Variants in ADAMTSL3 observed in about 807,000 individuals in gnomAD.
The protein encoded by ADAMTSL3 is ADAMTS-like protein 3.
In ADAMTSL3, 128 loss-of-function variants were observed where a neutral mutation model predicts 201.7. That is an observed-to-expected ratio of 0.63 (90% CI 0.55 to 0.73). The LOEUF (loss-of-function observed/expected upper bound fraction) is 0.73. Ranked by LOEUF, ADAMTSL3 falls within the 30% of genes least tolerant of loss-of-function variation. The probability of loss-of-function intolerance (pLI) is 0.00; values close to 1 mark genes in which losing one functional copy is unlikely to be tolerated. For synonymous variants in ADAMTSL3, 738 were observed against 748.4 expected (o/e 0.99, Z 0.23); for missense variants, 1,990 against 2,119.6 (o/e 0.94, Z 1.20).
rs556439992 is a variant in ADAMTSL3, at chr15:83,842,743, A to C, written c.727+4528A>C. 5.1e-4 allele frequency among the ~76,000 whole-genome samples: 77 copies of C among 152,330 alleles called. No homozygotes were observed. In the South Asian group the frequency reaches 6.8e-3, roughly 14 times the overall value. On this transcript the variant is annotated intron_variant, in intron 7 of 29. Coordinates refer to ENST00000286744, the MANE Select transcript of ADAMTSL3 (RefSeq NM_207517.3). ...AGTTTTAGGACTCAGATCAGTGAAC[A>C]CAGTTTGAAGAGAGGCTATACTGAG... is the stretch of plus-strand genomic sequence containing the variant.
intron 3 of ADAMTSL3, among the ~76,000 whole-genome samples, chr15:83,724,884 C>T (rs185069461): frequency 6.6e-6 from 1 of 152,186 alleles, no homozygotes; most frequent in East Asian, 1.9e-4. Flanking sequence ...GACAGAATCT[C>T]TTTCTTTTTT....
intron 22 of ADAMTSL3, among the ~76,000 whole-genome samples, chr15:83,989,530 A>G (rs571357984): frequency 3.3e-5 from 5 of 152,356 alleles, no homozygotes; most frequent in South Asian, 2.1e-4. Context: ...ATAGATTGCA[A>G]TTACCTCCCA....
At chr15:83,763,124 A>G (rs996783129) in intron 3 of ADAMTSL3, among the ~76,000 whole-genome samples, 6 of 152,142 alleles carry the variant, frequency 3.9e-5, no homozygotes, top group Non-Finnish European at 8.8e-5. Flanking sequence ...CTTGAACCTC[A>G]AGTGATTCCC....
intron 16 of ADAMTSL3, among the ~76,000 whole-genome samples, chr15:83,914,976 C>T (rs2066007615): frequency 6.6e-6 from 1 of 152,030 alleles, no homozygotes; most frequent in South Asian, 2.1e-4. Context: ...TTTGGGGAAA[C>T]CCTCTAGAGA....
At chr15:83,725,433 G>C (rs1473556763) in intron 3 of ADAMTSL3, among the ~76,000 whole-genome samples, 1 of 152,126 alleles carries the variant, frequency 6.6e-6, no homozygotes, top group African/African-American at 2.4e-5. Flanking sequence ...TGCTTTGGTT[G>C]CCTGCACTTG....
intron 5 of ADAMTSL3, 142 bp downstream of exon 5, chr15:83,804,837 T>C (rs1305996436): frequency 1.8e-6 from 1 of 550,710 alleles, no homozygotes; most frequent in Non-Finnish European, 3.0e-6. Flanking sequence ...GACAACAGAT[T>C]TTGTATATCA....
At chr15:83,970,765 T>C in intron 20 of ADAMTSL3, 128 bp downstream of exon 20, 2 of 1,219,296 alleles carry the variant, frequency 1.6e-6, no homozygotes, top group Non-Finnish European at 2.3e-6. Flanking sequence ...GTACTCAGTG[T>C]TGTTTTCGGC....
rs114882590 is a variant in ADAMTSL3 at position 83,848,906 on chromosome 15, T to C, written c.728-9860T>C. Among the ~76,000 whole-genome samples, 361 of 152,290 alleles carry C rather than the reference T, an allele frequency of 2.4e-3. 1 individual carries two copies. The highest frequency in any genetic ancestry group is 8.3e-3 in the African/African-American group (344 of 41,572). ...TAAGCCCTTTGCATATATTACCTCA[T>C]TGAACACTCATAACAACCCCTTGGA... is the stretch of plus-strand genomic sequence containing the variant. On this transcript the variant is annotated intron_variant, in intron 7 of 29. Transcript: ENST00000286744.
intron 6 of ADAMTSL3, among the ~76,000 whole-genome samples, chr15:83,836,628 A>G (rs1390940884): frequency 3.9e-5 from 6 of 152,268 alleles, no homozygotes; most frequent in Non-Finnish European, 8.8e-5. Context: ...TGAAAAACAC[A>G]GAGAAATAAT....
chr15:83,818,671 G>A (rs1459353799), intron 5 of ADAMTSL3, among the ~76,000 whole-genome samples: 1 of 152,114 alleles, frequency 6.6e-6, no homozygotes, highest in African/African-American at 2.4e-5. Context: ...TATGAAGTTT[G>A]CATATCAAAA....
At chr15:83,881,225 C>A (rs2065264362) in intron 9 of ADAMTSL3, among the ~76,000 whole-genome samples, 4 of 152,112 alleles carry the variant, frequency 2.6e-5, no homozygotes, top group Admixed American at 2.6e-4. Flanking sequence ...GGCTTTATTC[C>A]CTTTGAAGGT....
chr15:83,841,395 A>T lies in ADAMTSL3; in HGVS notation c.727+3180A>T, dbSNP rs575828123. On this transcript the variant is annotated intron_variant, in intron 7 of 29. Coordinates refer to ENST00000286744, the MANE Select transcript of ADAMTSL3 (RefSeq NM_207517.3). The stretch of plus-strand genomic sequence containing the variant: ...TGGGGTCCGGAGCCGCCAGCCTTCC[A>T]GGGTTAAGTCCTGGGTCTGTTGCTT... 2.6e-5 allele frequency among the ~76,000 whole-genome samples: 4 copies of T among 152,346 alleles called. No individual in the cohort carries two copies. In the South Asian group the frequency reaches 8.3e-4, roughly 32 times the overall value.
chr15:83,706,649 CT>C (rs1035746875), intron 3 of ADAMTSL3, among the ~76,000 whole-genome samples: 1 of 151,044 alleles, frequency 6.6e-6, no homozygotes, highest in Non-Finnish European at 1.5e-5. Flanking sequence ...TTTTTCTTTT[CT>C]TTTTTTTTGA....
At position 83,956,600 on chromosome 15, in the gene ADAMTSL3, C is replaced by T. The variant is rs543870986; in HGVS notation, c.2490+13518C>T. Among the ~76,000 whole-genome samples the T allele has an allele frequency of 4.6e-5, 7 of 152,100 alleles. No homozygotes were observed. In the East Asian group the frequency reaches 1.2e-3, roughly 25 times the overall value. ...GTTTACTCTTATATTATGACCCATCCAAAATATGCCCAGTGGATTCAAATT... is the reference window on the plus strand; with the variant it reads ...GTTTACTCTTATATTATGACCCATCTAAAATATGCCCAGTGGATTCAAATT... On this transcript the variant is annotated intron_variant, in intron 19 of 29. Coordinates refer to ENST00000286744, the MANE Select transcript of ADAMTSL3 (RefSeq NM_207517.3).
At chr15:83,970,350 C>T in intron 19 of ADAMTSL3, 134 bp from the exon 20 acceptor site, 2 of 962,304 alleles carry the variant, frequency 2.1e-6, no homozygotes. Context: ...ATGTTCAAGC[C>T]TAGGAAATGG....
chr15:83,763,756 T>G (rs1027499836), intron 3 of ADAMTSL3, among the ~76,000 whole-genome samples: 1 of 152,138 alleles, frequency 6.6e-6, no homozygotes, highest in African/African-American at 2.4e-5. Flanking sequence ...CCGCCCGCCT[T>G]GGCCTCCCAA....
intron 3 of ADAMTSL3, among the ~76,000 whole-genome samples, chr15:83,756,607 C>T (rs559234576): frequency 6.6e-6 from 1 of 151,664 alleles, no homozygotes. Flanking sequence ...CTGCCCCCCC[C>T]CCAAATCTCA....
rs73439487 is a variant in ADAMTSL3, at chr15:83,875,055, G to T, written c.960+4096G>T. ...CACTGTGTTCATCTGGGTCCTCTAA[G>T]AATCAAATGCCAAGGCAGGATGAGA... On this transcript the variant is annotated intron_variant, in intron 9 of 29. Transcript: ENST00000286744. 3.9e-4 allele frequency among the ~76,000 whole-genome samples: 43 copies of T among 109,748 alleles called. 7 individuals are homozygous for T. Among genetic ancestry groups the T allele is most frequent in the African/African-American group, 1.6e-3 (40 of 25,182 alleles). 72.0% of individuals were successfully genotyped at this position (109,748 alleles called of 152,430 possible).
chr15:83,787,817 T>C (rs2063288371), intron 4 of ADAMTSL3, among the ~76,000 whole-genome samples: 1 of 151,906 alleles, frequency 6.6e-6, no homozygotes, highest in Non-Finnish European at 1.5e-5. Flanking sequence ...CCTTTCTCTC[T>C]CCCCCTCCCC....
Sources: allele counts gnomAD v4.1 joint callset (sites outside exome capture counted in the v4.1 genomes callset), GRCh38; gene constraint gnomAD v4.1.1; transcripts MANE v1.5; gene names NCBI Gene and HGNC (gene_info 2026-07-23, HGNC 2026-07-21).